The following ERICH1 variants were observed in gnomAD, a reference collection of about 807,000 sequenced individuals.
ERICH1 encodes glutamate rich 1.
In ERICH1, 56 loss-of-function variants were observed where a neutral mutation model predicts 39.6. That is an observed-to-expected ratio of 1.41 (90% CI 1.14 to 1.77). The LOEUF (loss-of-function observed/expected upper bound fraction) is 1.77. Ranked by LOEUF, ERICH1 falls within the 40% of genes most tolerant of loss-of-function variation. The pLI, the probability that ERICH1 is intolerant of heterozygous loss-of-function variation, is 0.00. For missense variants in ERICH1, 826 were observed against 575.4 expected (o/e 1.44, Z -4.45); for synonymous variants, 313 against 223.6 (o/e 1.40, Z -3.57).
Position 675,210 on chromosome 8 carries a change from C to CG in ERICH1, c.305-1164dup, listed in dbSNP as rs567122180. 5.3e-4 allele frequency among the ~76,000 whole-genome samples: 11 copies of CG among 20,856 alleles called. 3 individuals are homozygous for CG. Among genetic ancestry groups the CG allele is most frequent in the Non-Finnish European group, 7.9e-4 (9 of 11,340 alleles). 13.7% of individuals were successfully genotyped at this position (20,856 alleles called of 152,430 possible). On this transcript the variant is annotated intron_variant, in intron 3 of 5. Transcript: ENST00000262109. ...TGAGGACAGAGACGCGGCGCCCCCT[C>CG]GTGAGGACAGAGACGCGGCGGCCCC...
Position 633,213 on chromosome 8 carries a change from C to T in ERICH1, c.977-17929G>A, listed in dbSNP as rs145106569. 2.7e-4 allele frequency among the ~76,000 whole-genome samples: 41 copies of T among 152,202 alleles called. 1 individual carries two copies. Among genetic ancestry groups the T allele is most frequent in the African/African-American group, 8.4e-4 (35 of 41,544 alleles). On this transcript the variant is annotated intron_variant, in intron 3 of 3. Transcript: ENST00000522706. The stretch of plus-strand genomic sequence containing the variant: ...AGGCTGTGCACACCCTATGGCCTGG[C>T]GACTCTGTTCTGAGGTTCACACCTT...
Position 652,807 on chromosome 8 carries a change from C to A in ERICH1, c.976+15791G>T, listed in dbSNP as rs80031509. ...TAGGCACGGGACCGGAATGGAAATT[C>A]TCCTAAGAAGATAGACAAAGGTCAA... is the stretch of plus-strand genomic sequence containing the variant. On this transcript the variant is annotated intron_variant, in intron 3 of 3. Coordinates refer to the ERICH1 transcript ENST00000522706. Among the ~76,000 whole-genome samples, 399 of 152,284 alleles carry A rather than the reference C, an allele frequency of 2.6e-3. 4 individuals carry two copies. The highest frequency in any genetic ancestry group is 9.3e-3 in the African/African-American group (387 of 41,556).
chr8:623,567 A>G (rs913271902), intron 3 of ERICH1, among the ~76,000 whole-genome samples: 2 of 152,246 alleles, frequency 1.3e-5, no homozygotes, highest in Non-Finnish European at 2.9e-5. Context: ...ATGTTTTCAT[A>G]TATGTGTAGA....
chr8:729,233 T>G (rs1201844336), intron 1 of ERICH1, among the ~76,000 whole-genome samples: 3 of 152,230 alleles, frequency 2.0e-5, no homozygotes, highest in Non-Finnish European at 2.9e-5. Flanking sequence ...GTGTGGGGTC[T>G]GCTCCAGGAG....
intron 3 of ERICH1, among the ~76,000 whole-genome samples, chr8:675,096 ACCTCAGTGAGGACAGAGACGTGGCGGCC>A (rs1804384395): frequency 2.0e-5 from 3 of 151,852 alleles, no homozygotes; most frequent in Non-Finnish European, 1.5e-5. Context: ...CAGTCTCAAC[ACCTCAGTGAGGACAGAGACGTGGCGGCC>A]CCTCGGCGAG....
chr8:634,510 C>T (rs1798274954), intron 3 of ERICH1, among the ~76,000 whole-genome samples: 1 of 152,246 alleles, frequency 6.6e-6, no homozygotes, highest in Non-Finnish European at 1.5e-5. Context: ...GATACGTCTG[C>T]ACACCCATGC....
rs184624272 is a variant in ERICH1, at chr8:728,583, C to A, written c.22+2557G>T. On this transcript the variant is annotated intron_variant, in intron 1 of 5. Coordinates refer to ENST00000262109, the MANE Select transcript of ERICH1 (RefSeq NM_207332.3). ...CCAGAAACAGCCCGACCTGAGCTAG[C>A]ACTTAATTACATGCCAGATATTCAC... 8.5e-5 allele frequency among the ~76,000 whole-genome samples: 13 copies of A among 152,308 alleles called. No individual in the cohort carries two copies. The East Asian group carries it at 2.5e-3, about 29-fold the overall frequency.
At chr8:691,550 G>C (rs1257928866) in intron 3 of ERICH1, among the ~76,000 whole-genome samples, 15 of 152,248 alleles carry the variant, frequency 9.9e-5, no homozygotes, top group African/African-American at 3.6e-4. Flanking sequence ...ACGCAATGAA[G>C]CATATTCACC....
At chr8:704,250 C>A (rs903042646) in intron 2 of ERICH1, among the ~76,000 whole-genome samples, 2 of 152,138 alleles carry the variant, frequency 1.3e-5, no homozygotes, top group African/African-American at 4.8e-5. Flanking sequence ...TGGAAGCAAA[C>A]CCAAGAAATG....
intron 3 of ERICH1, among the ~76,000 whole-genome samples, chr8:654,487 G>C (rs1302831612): frequency 6.6e-6 from 1 of 152,178 alleles, no homozygotes; most frequent in Non-Finnish European, 1.5e-5. Flanking sequence ...TCGGCATTTT[G>C]TGAGAATTCA....
intron 3 of ERICH1, among the ~76,000 whole-genome samples, chr8:623,244 G>C (rs1031559301): frequency 1.3e-5 from 2 of 152,106 alleles, no homozygotes; most frequent in African/African-American, 4.8e-5. Flanking sequence ...GGGTGGTTTG[G>C]CAACAATCAA....
intron 3 of ERICH1, among the ~76,000 whole-genome samples, chr8:627,519 C>A (rs1332188146): frequency 6.6e-6 from 1 of 152,222 alleles, no homozygotes. Flanking sequence ...ATTTTCCACA[C>A]CAGGCAAGTT....
At chr8:656,235 C>T (rs577970079) in intron 3 of ERICH1, among the ~76,000 whole-genome samples, 5 of 152,280 alleles carry the variant, frequency 3.3e-5, no homozygotes, top group African/African-American at 9.6e-5. Context: ...ACAAGCCTCC[C>T]GTCTGGGTGC....
intron 2 of ERICH1, among the ~76,000 whole-genome samples, chr8:713,865 G>T (rs1444525009): frequency 6.6e-6 from 1 of 152,172 alleles, no homozygotes; most frequent in Non-Finnish European, 1.5e-5. Context: ...GAGACCCCCA[G>T]AAATGGCACC....
At chr8:631,337 T>A (rs1424678918) in intron 3 of ERICH1, among the ~76,000 whole-genome samples, 2 of 152,032 alleles carry the variant, frequency 1.3e-5, no homozygotes, top group Non-Finnish European at 2.9e-5. Flanking sequence ...CCCAGTGAGG[T>A]GGTGAAGCTG....
intron 1 of ERICH1, among the ~76,000 whole-genome samples, chr8:724,857 C>A (rs575695748): frequency 6.6e-6 from 1 of 152,318 alleles, no homozygotes; most frequent in South Asian, 2.1e-4. Flanking sequence ...GAACCCAGAA[C>A]CCGGGAAGCA....
chr8:729,795 A>G (rs1819582758), intron 1 of ERICH1, among the ~76,000 whole-genome samples: 1 of 148,386 alleles, frequency 6.7e-6, no homozygotes. Flanking sequence ...ATTCACTTTA[A>G]TTTGGTGAAT....
intron 2 of ERICH1, among the ~76,000 whole-genome samples, chr8:704,504 T>C (rs1812824589): frequency 6.6e-6 from 1 of 152,194 alleles, no homozygotes; most frequent in African/African-American, 2.4e-5. Flanking sequence ...TTAACTCTAC[T>C]AAAGCTCTGC....
At chr8:701,580 A>G (rs959866949) in intron 2 of ERICH1, among the ~76,000 whole-genome samples, 1 of 152,232 alleles carries the variant, frequency 6.6e-6, no homozygotes, top group Non-Finnish European at 1.5e-5. Flanking sequence ...GCGTCAGGTG[A>G]GCAACAGAGT....
Sources: gnomAD v4.1 joint callset for allele counts (sites outside exome capture counted in the v4.1 genomes callset) on GRCh38, gnomAD v4.1.1 for gene constraint, MANE v1.5 for transcripts, NCBI Gene and HGNC (gene_info 2026-07-23, HGNC 2026-07-21) for gene names.